Variants in RGS7BP observed in about 807,000 individuals in gnomAD.
The protein encoded by RGS7BP is regulator of G protein signaling 7-binding protein.
RGS7BP carries 9 observed loss-of-function variants against 31.3 expected under a neutral mutation model. The observed-to-expected ratio is 0.29, with a 90% CI of 0.17 to 0.50. RGS7BP has a LOEUF of 0.50. Among genes scored for constraint, RGS7BP ranks in the 20% least tolerant of loss-of-function variants. RGS7BP has a pLI of 0.98. For synonymous variants in RGS7BP, 115 were observed against 120.1 expected, an observed-to-expected ratio of 0.96 and a Z score of 0.28; for missense variants, 274 against 322.0, an observed-to-expected ratio of 0.85 and a Z score of 1.14.
chr5:64,535,929 A>T (rs931726670), intron 2 of RGS7BP, among the ~76,000 whole-genome samples: 1 of 152,218 alleles, frequency 6.6e-6, no homozygotes, highest in Non-Finnish European at 1.5e-5. Context: ...AGTCTTGAAA[A>T]GACTTAGTTG....
intron 2 of RGS7BP, among the ~76,000 whole-genome samples, chr5:64,528,402 T>C (rs1749285506): frequency 6.6e-6 from 1 of 152,170 alleles, no homozygotes; most frequent in Admixed American, 6.5e-5. Context: ...TAGGTCACAT[T>C]TAAGCACACA....
intron 2 of RGS7BP, among the ~76,000 whole-genome samples, chr5:64,552,270 GTTC>G (rs200555983): frequency 0.022 from 3,349 of 151,980 alleles, 92 homozygotes; most frequent in African/African-American, 0.074. Flanking sequence ...AAAAATTTCT[GTTC>G]TTATTTTCAG....
At chr5:64,598,519 T>C in intron 5 of RGS7BP, 84 bp downstream of exon 5, 1 of 860,874 alleles carries the variant, frequency 1.2e-6, no homozygotes, top group Non-Finnish European at 2.0e-6. Flanking sequence ...TTAAAGCATG[T>C]GTCTCACACA....
intron 2 of RGS7BP, among the ~76,000 whole-genome samples, chr5:64,517,443 T>C: frequency 6.6e-6 from 1 of 152,222 alleles, no homozygotes; most frequent in Middle Eastern, 3.2e-3. Flanking sequence ...CCTGGATTTT[T>C]TACCACTTAA....
intron 2 of RGS7BP, among the ~76,000 whole-genome samples, chr5:64,508,431 G>A (rs376318647): frequency 4.6e-5 from 7 of 152,238 alleles, no homozygotes; most frequent in African/African-American, 1.7e-4. Context: ...TTAAAGATTG[G>A]GGAAATTCAC....
intron 2 of RGS7BP, among the ~76,000 whole-genome samples, chr5:64,527,048 AC>A (rs1275734937): frequency 6.6e-6 from 1 of 152,020 alleles, no homozygotes; most frequent in Non-Finnish European, 1.5e-5. Context: ...AAGACCAAAT[AC>A]CCCACGAAAA....
intron 3 of RGS7BP, among the ~76,000 whole-genome samples, chr5:64,579,294 C>G (rs564224185): frequency 6.6e-6 from 1 of 151,814 alleles, no homozygotes; most frequent in Non-Finnish European, 1.5e-5. Context: ...GTATGTAATC[C>G]CAGCACTATG....
intron 2 of RGS7BP, among the ~76,000 whole-genome samples, chr5:64,532,829 C>A (rs1000495979): frequency 1.3e-5 from 2 of 152,018 alleles, no homozygotes; most frequent in Non-Finnish European, 2.9e-5. Context: ...TAGCGGAGGG[C>A]CTGTCCCACA....
intron 3 of RGS7BP, among the ~76,000 whole-genome samples, chr5:64,587,107 G>A (rs977674786): frequency 2.0e-5 from 3 of 152,124 alleles, no homozygotes; most frequent in Non-Finnish European, 4.4e-5. Context: ...AGGAAAACCT[G>A]AGCGATCGTA....
At chr5:64,548,858 T>C (rs1018324664) in intron 2 of RGS7BP, among the ~76,000 whole-genome samples, 13 of 151,904 alleles carry the variant, frequency 8.6e-5, no homozygotes, top group African/African-American at 3.1e-4. Flanking sequence ...TTCCTTTTTT[T>C]TTTTTTTTTA....
intron 3 of RGS7BP, among the ~76,000 whole-genome samples, chr5:64,588,205 G>A: frequency 6.6e-6 from 1 of 152,146 alleles, no homozygotes; most frequent in East Asian, 1.9e-4. Flanking sequence ...AATAAAAATA[G>A]ATGGGTTAAT....
chr5:64,534,646 G>A (rs898391967), intron 2 of RGS7BP, among the ~76,000 whole-genome samples: 3 of 152,100 alleles, frequency 2.0e-5, no homozygotes, highest in South Asian at 4.1e-4. Context: ...GGTACCCTTT[G>A]GCAGATGAGA....
At chr5:64,604,902 G>T (rs560946515) in intron 5 of RGS7BP, among the ~76,000 whole-genome samples, 65 of 152,216 alleles carry the variant, frequency 4.3e-4, no homozygotes, top group South Asian at 3.7e-3. Flanking sequence ...GGGTATGGTG[G>T]CTTATTCCTA....
At chr5:64,545,669 A>C in intron 2 of RGS7BP, among the ~76,000 whole-genome samples, 1 of 152,216 alleles carries the variant, frequency 6.6e-6, no homozygotes, top group Non-Finnish European at 1.5e-5. Flanking sequence ...TGGTAGATTC[A>C]AAGTAGTTAA....
rs558994395 is a variant in RGS7BP, at chr5:64,543,757, G to C, written c.333-32017G>C. On this transcript the variant is annotated intron_variant, in intron 2 of 5. Transcript: ENST00000334025. Reference sequence around the variant, plus strand: ...GAGTCATGTTCCCAGGGGCTGCTGTGCCCCAACAAAAGTGAAGGTTGAGTA... The same window carrying C: ...GAGTCATGTTCCCAGGGGCTGCTGTCCCCCAACAAAAGTGAAGGTTGAGTA... Among the ~76,000 whole-genome samples the C allele has an allele frequency of 1.4e-4, 21 of 152,298 alleles. No homozygotes were observed. The South Asian group carries it at 3.9e-3, about 29-fold the overall frequency.
chr5:64,588,728 G>C (rs748288276), intron 3 of RGS7BP, among the ~76,000 whole-genome samples: 1 of 152,088 alleles, frequency 6.6e-6, no homozygotes, highest in Non-Finnish European at 1.5e-5. Context: ...GAAATACTGA[G>C]AGCCCAAAAT....
At chr5:64,588,507 C>A (rs953145094) in intron 3 of RGS7BP, among the ~76,000 whole-genome samples, 2 of 152,164 alleles carry the variant, frequency 1.3e-5, no homozygotes, top group East Asian at 3.9e-4. Context: ...TAGTGTTTGG[C>A]CCTTTTGCTC....
At chr5:64,561,048 G>A (rs1742043011) in intron 2 of RGS7BP, among the ~76,000 whole-genome samples, 1 of 152,084 alleles carries the variant, frequency 6.6e-6, no homozygotes, top group South Asian at 2.1e-4. Context: ...TGGATGCTGG[G>A]ACCCCTGCGG....
intron 2 of RGS7BP, among the ~76,000 whole-genome samples, chr5:64,510,220 T>C (rs1220251851): frequency 6.6e-6 from 1 of 152,198 alleles, no homozygotes; most frequent in East Asian, 1.9e-4. Flanking sequence ...TTATTATTCT[T>C]ATTCTACAAA....
Sources: allele counts gnomAD v4.1 joint callset (sites outside exome capture counted in the v4.1 genomes callset), GRCh38; gene constraint gnomAD v4.1.1; transcripts MANE v1.5; gene names NCBI Gene and HGNC (gene_info 2026-07-23, HGNC 2026-07-21).